The following MGAT4C variants were observed in gnomAD, a reference collection of about 807,000 sequenced individuals.
MGAT4C encodes the protein alpha-1,3-mannosyl-glycoprotein 4-beta-N-acetylglucosaminyltransferase C.
A neutral mutation model predicts 40.1 loss-of-function variants in MGAT4C; 19 were observed. The ratio of observed to expected loss-of-function variants is 0.47; its 90% CI spans 0.33 to 0.70. The LOEUF (loss-of-function observed/expected upper bound fraction) is 0.70. MGAT4C is among the 30% of genes least tolerant of loss of function. MGAT4C has a pLI of 0.02. For missense variants in MGAT4C, 491 were observed against 563.2 expected, an observed-to-expected ratio of 0.87 and a Z score of 1.30; for synonymous variants, 181 against 187.1, an observed-to-expected ratio of 0.97 and a Z score of 0.27.
chr12:86,771,945 T>A (rs554115870), intron 1 of MGAT4C, among the ~76,000 whole-genome samples: 1 of 152,176 alleles, frequency 6.6e-6, no homozygotes, highest in Non-Finnish European at 1.5e-5. Context: ...GTATTGATAG[T>A]ATTCCTTCTC....
At chr12:86,341,875 T>C (rs139695408) in intron 3 of MGAT4C, among the ~76,000 whole-genome samples, 2,202 of 152,244 alleles carry the variant, frequency 0.014, 17 homozygotes, top group Non-Finnish European at 0.023. Context: ...ACGGCACTCC[T>C]AGAGGAGAAG....
intron 1 of MGAT4C, among the ~76,000 whole-genome samples, chr12:86,186,688 T>C (rs1888794568): frequency 6.6e-6 from 1 of 152,114 alleles, no homozygotes; most frequent in Non-Finnish European, 1.5e-5. Flanking sequence ...AGGTCTTGCC[T>C]AAAACCATAT....
intron 1 of MGAT4C, among the ~76,000 whole-genome samples, chr12:86,223,657 C>A (rs1248770757): frequency 6.6e-6 from 1 of 152,186 alleles, no homozygotes; most frequent in Non-Finnish European, 1.5e-5. Context: ...GGCCTGAGGA[C>A]AAGACTGTGG....
intron 1 of MGAT4C, among the ~76,000 whole-genome samples, chr12:86,832,463 A>G (rs1336968326): frequency 6.6e-6 from 1 of 151,828 alleles, no homozygotes; most frequent in Non-Finnish European, 1.5e-5. Context: ...AAAAAGTCCT[A>G]AAAAGATAAG....
Position 85,966,410 on chromosome 12 carries a change from G to C in MGAT4C, c.*12879C>G, listed in dbSNP as rs1469758803. On this transcript the variant is annotated 3_prime_UTR_variant, in exon 5 of 5. Transcript: ENST00000611864. ...AAATTATGAGTATTTAATCAAAGTT[G>C]TCTCTTTATCATTTGCCAGTGAAAA... The C allele has an allele frequency of 6.6e-6, 1 of 151,900 alleles. No homozygotes were observed. Among genetic ancestry groups the C allele is most frequent in the Non-Finnish European group, 1.5e-5 (1 of 67,984 alleles). 9.4% of individuals were successfully genotyped at this position (151,900 alleles called of 1,614,324 possible).
At chr12:86,665,001 T>C (rs1964068554) in intron 2 of MGAT4C, among the ~76,000 whole-genome samples, 1 of 152,156 alleles carries the variant, frequency 6.6e-6, no homozygotes, top group Non-Finnish European at 1.5e-5. Flanking sequence ...ATTGAAGCAA[T>C]GTAAGTTGCC....
At chr12:86,826,931 A>G (rs1431487886) in intron 1 of MGAT4C, among the ~76,000 whole-genome samples, 2 of 151,466 alleles carry the variant, frequency 1.3e-5, no homozygotes, top group African/African-American at 4.8e-5. Flanking sequence ...TTGTAAAGCC[A>G]ATTAAAGAAG....
chr12:86,134,218 T>C (rs1441745848), intron 1 of MGAT4C, among the ~76,000 whole-genome samples: 1 of 152,114 alleles, frequency 6.6e-6, no homozygotes, highest in Non-Finnish European at 1.5e-5. Context: ...GATCCACAAG[T>C]TCCAAAATGT....
chr12:86,796,795 C>T (rs1952131545), intron 1 of MGAT4C, among the ~76,000 whole-genome samples: 1 of 151,640 alleles, frequency 6.6e-6, no homozygotes, highest in South Asian at 2.1e-4. Context: ...GTGTTCTCAC[C>T]ACAAAAATGA....
chr12:86,465,386 C>A (rs1957664890), intron 2 of MGAT4C, among the ~76,000 whole-genome samples: 2 of 152,132 alleles, frequency 1.3e-5, no homozygotes, highest in South Asian at 4.1e-4. Flanking sequence ...TTGGACTTCA[C>A]TAAAATTAAA....
intron 3 of MGAT4C, among the ~76,000 whole-genome samples, chr12:86,339,388 A>G (rs1182169886): frequency 2.0e-5 from 3 of 152,210 alleles, no homozygotes; most frequent in Admixed American, 6.5e-5. Context: ...AAGCACAAAG[A>G]TGATGATATC....
At chr12:86,208,660 AT>A (rs146757209) in intron 1 of MGAT4C, among the ~76,000 whole-genome samples, 10,246 of 151,120 alleles carry the variant, frequency 0.068, 490 homozygotes, top group Middle Eastern at 0.21. Flanking sequence ...AGAGTTTTTT[AT>A]TTTTTTTTAA....
At chr12:86,645,166 G>A (rs1963504977) in intron 2 of MGAT4C, among the ~76,000 whole-genome samples, 4 of 151,556 alleles carry the variant, frequency 2.6e-5, no homozygotes, top group African/African-American at 9.7e-5. Flanking sequence ...TGTATATGAT[G>A]TAAAAAATAT....
intron 2 of MGAT4C, among the ~76,000 whole-genome samples, chr12:86,690,938 A>G (rs769015168): frequency 9.2e-5 from 14 of 152,168 alleles, no homozygotes; most frequent in Non-Finnish European, 1.9e-4. Flanking sequence ...TTAGACTTGT[A>G]TATTTCTGTC....
intron 1 of MGAT4C, among the ~76,000 whole-genome samples, chr12:86,837,171 T>G (rs1175801331): frequency 6.6e-6 from 1 of 151,996 alleles, no homozygotes; most frequent in Non-Finnish European, 1.5e-5. Flanking sequence ...GGGAAAAGGT[T>G]CCACAAAGGA....
intron 2 of MGAT4C, among the ~76,000 whole-genome samples, chr12:86,613,701 A>G (rs1458241513): frequency 6.6e-6 from 1 of 152,132 alleles, no homozygotes; most frequent in African/African-American, 2.4e-5. Flanking sequence ...GGAATAAACC[A>G]AAATATATTT....
chr12:86,137,254 A>C (rs990245522), intron 1 of MGAT4C, among the ~76,000 whole-genome samples: 1 of 152,262 alleles, frequency 6.6e-6, no homozygotes, highest in South Asian at 2.1e-4. Context: ...CATAAGACTC[A>C]ATTTATTTTG....
chr12:86,504,997 T>C (rs936311697), intron 2 of MGAT4C, among the ~76,000 whole-genome samples: 1 of 152,180 alleles, frequency 6.6e-6, no homozygotes, highest in Non-Finnish European at 1.5e-5. Context: ...TAGTCATACA[T>C]ACATAATTGC....
intron 2 of MGAT4C, among the ~76,000 whole-genome samples, chr12:86,645,535 A>C (rs1208771241): frequency 6.6e-6 from 1 of 151,806 alleles, no homozygotes; most frequent in African/African-American, 2.4e-5. Flanking sequence ...AATAAAGTAC[A>C]ATCTTGGCAA....
Sources: allele counts gnomAD v4.1 joint callset (sites outside exome capture counted in the v4.1 genomes callset), GRCh38; gene constraint gnomAD v4.1.1; transcripts MANE v1.5; gene names NCBI Gene and HGNC (gene_info 2026-07-23, HGNC 2026-07-21).